The following GRID2 variants were observed in gnomAD, a reference collection of about 807,000 sequenced individuals.
GRID2 encodes the protein glutamate ionotropic receptor delta type subunit 2.
GRID2 carries 33 observed loss-of-function variants against 114.8 expected under a neutral mutation model. The observed-to-expected ratio is 0.29, with a 90% CI of 0.22 to 0.38. The LOEUF is 0.38. GRID2 is among the 10% of genes least tolerant of loss of function. The pLI is 1.00. For missense variants in GRID2, 1,184 were observed against 1,257.7 expected (o/e 0.94, Z 0.89); for synonymous variants, 505 against 449.9 (o/e 1.12, Z -1.55).
intron 10 of GRID2, among the ~76,000 whole-genome samples, chr4:93,441,654 A>C (rs1371039525): frequency 6.6e-6 from 1 of 151,910 alleles, no homozygotes; most frequent in African/African-American, 2.4e-5. Context: ...ATTTTTTTTA[A>C]CTTGACATAC....
At chr4:93,073,366 T>A (rs181374548) in intron 2 of GRID2, among the ~76,000 whole-genome samples, 94 of 152,318 alleles carry the variant, frequency 6.2e-4, no homozygotes, top group Non-Finnish European at 1.2e-3. Flanking sequence ...TAAATGCATG[T>A]TCCCTTGTGA....
intron 2 of GRID2, among the ~76,000 whole-genome samples, chr4:92,675,484 A>C (rs1427701236): frequency 6.6e-6 from 1 of 150,384 alleles, no homozygotes; most frequent in African/African-American, 2.4e-5. Flanking sequence ...GGGACTCCAA[A>C]CTCCAATCAC....
chr4:92,990,198 CTGTGTGTGTGTG>C (rs3970985), intron 2 of GRID2, among the ~76,000 whole-genome samples: 10,700 of 124,726 alleles, frequency 0.086, 549 homozygotes, highest in Middle Eastern at 0.19. Flanking sequence ...TTAACATTTT[CTGTGTGTGTGTG>C]TGTGTGTGTG....
chr4:93,401,991 C>CA (rs994660733), intron 9 of GRID2, among the ~76,000 whole-genome samples: 59 of 145,712 alleles, frequency 4.0e-4, no homozygotes, highest in Middle Eastern at 3.6e-3. Context: ...TGTACAAAAA[C>CA]AAAAAAAAAG....
intron 2 of GRID2, among the ~76,000 whole-genome samples, chr4:92,694,917 A>G (rs905351905): frequency 6.6e-6 from 1 of 152,178 alleles, no homozygotes; most frequent in Non-Finnish European, 1.5e-5. Flanking sequence ...TGCTTAATAT[A>G]GCTGACTAAA....
intron 8 of GRID2, among the ~76,000 whole-genome samples, chr4:93,344,984 A>AGTGTGTGT (rs35018148): frequency 1.2e-3 from 174 of 142,496 alleles, no homozygotes; most frequent in African/African-American, 3.7e-3. Flanking sequence ...GTTGTATTCT[A>AGTGTGTGT]GTGTGTGTGT....
chr4:93,390,089 T>C (rs902271914), intron 8 of GRID2, among the ~76,000 whole-genome samples: 9 of 152,154 alleles, frequency 5.9e-5, no homozygotes, highest in Non-Finnish European at 1.0e-4. Context: ...GCACCCAGCC[T>C]GAAGCAAGTT....
At chr4:92,837,040 A>T in intron 2 of GRID2, among the ~76,000 whole-genome samples, 1 of 152,100 alleles carries the variant, frequency 6.6e-6, no homozygotes, top group East Asian at 1.9e-4. Context: ...CCAATGACTG[A>T]GACTGTGAGA....
intron 1 of GRID2, among the ~76,000 whole-genome samples, chr4:92,557,895 T>A (rs183463547): frequency 7.0e-4 from 106 of 152,212 alleles, no homozygotes; most frequent in African/African-American, 2.4e-3. Flanking sequence ...CTTTTATGCC[T>A]TGACATTATT....
At chr4:93,007,073 GAGA>G (rs902918770) in intron 2 of GRID2, among the ~76,000 whole-genome samples, 21 of 151,840 alleles carry the variant, frequency 1.4e-4, no homozygotes, top group African/African-American at 5.1e-4. Flanking sequence ...GGTCAGAAAA[GAGA>G]AGAAAAAGAA....
intron 3 of GRID2, among the ~76,000 whole-genome samples, chr4:93,102,345 G>A (rs1158976685): frequency 6.6e-6 from 1 of 152,120 alleles, no homozygotes; most frequent in Non-Finnish European, 1.5e-5. Flanking sequence ...ACCTAGATAT[G>A]CATAATAAGT....
At chr4:92,377,391 T>C (rs1246563098) in intron 1 of GRID2, among the ~76,000 whole-genome samples, 1 of 152,104 alleles carries the variant, frequency 6.6e-6, no homozygotes, top group African/African-American at 2.4e-5. Flanking sequence ...CAGACTTTAT[T>C]GTCCCCATTG....
chr4:93,692,265 A>G (rs1726634769), intron 14 of GRID2, among the ~76,000 whole-genome samples: 1 of 152,138 alleles, frequency 6.6e-6, no homozygotes, highest in Non-Finnish European at 1.5e-5. Flanking sequence ...ATGCCATTTG[A>G]ATAATAACCT....
chr4:93,078,168 T>C (rs766570898), intron 2 of GRID2, among the ~76,000 whole-genome samples: 3 of 152,174 alleles, frequency 2.0e-5, no homozygotes, highest in Non-Finnish European at 4.4e-5. Flanking sequence ...TCTTTGCACA[T>C]TCTATTTCTT....
At chr4:93,389,576 G>A (rs1274038168) in intron 8 of GRID2, among the ~76,000 whole-genome samples, 2 of 152,132 alleles carry the variant, frequency 1.3e-5, no homozygotes, top group Non-Finnish European at 2.9e-5. Context: ...ACTATGATAA[G>A]AGCTAGGAGT....
intron 1 of GRID2, among the ~76,000 whole-genome samples, chr4:92,391,882 T>C (rs975740588): frequency 6.6e-6 from 1 of 152,184 alleles, no homozygotes; most frequent in African/African-American, 2.4e-5. Context: ...TTTTCTTTGC[T>C]TTTGTGAAAA....
intron 2 of GRID2, among the ~76,000 whole-genome samples, chr4:92,784,109 T>C (rs1739211813): frequency 6.6e-6 from 1 of 152,082 alleles, no homozygotes; most frequent in Non-Finnish European, 1.5e-5. Flanking sequence ...ATTTATACAT[T>C]AATATCACCT....
At chr4:93,628,334 G>A (rs1252803643) in intron 14 of GRID2, among the ~76,000 whole-genome samples, 3 of 151,948 alleles carry the variant, frequency 2.0e-5, no homozygotes, top group African/African-American at 7.3e-5. Flanking sequence ...CTATAAATGT[G>A]TGTTGATATA....
intron 9 of GRID2, among the ~76,000 whole-genome samples, chr4:93,413,019 C>T (rs1767359536): frequency 1.3e-5 from 2 of 152,036 alleles, no homozygotes; most frequent in African/African-American, 4.8e-5. Flanking sequence ...GGGTTGGTTC[C>T]AAGTCTTTGC....
Sources: allele counts gnomAD v4.1 joint callset (sites outside exome capture counted in the v4.1 genomes callset), GRCh38; gene constraint gnomAD v4.1.1; transcripts MANE v1.5; gene names NCBI Gene and HGNC (gene_info 2026-07-23, HGNC 2026-07-21).